Variants in SPAG16 observed in about 807,000 individuals in gnomAD.
The protein encoded by SPAG16 is sperm associated antigen 16.
In SPAG16, 86 loss-of-function variants were observed where a neutral mutation model predicts 80.4. The observed-to-expected ratio is 1.07, with a 90% CI of 0.90 to 1.28. SPAG16 has a LOEUF of 1.28. Among genes scored for constraint, SPAG16 ranks in the 50% most tolerant of loss-of-function variants. The probability of loss-of-function intolerance (pLI) is 0.00; values close to 1 mark genes in which losing one functional copy is unlikely to be tolerated. For missense variants in SPAG16, 870 were observed against 765.3 expected (o/e 1.14, Z -1.61); for synonymous variants, 294 against 265.9 (o/e 1.11, Z -1.03).
At chr2:214,308,354 A>G (rs1421851678) in intron 15 of SPAG16, among the ~76,000 whole-genome samples, 2 of 151,942 alleles carry the variant, frequency 1.3e-5, no homozygotes, top group Non-Finnish European at 2.9e-5. Context: ...TTGCCACTCT[A>G]TGTCTTTTAA....
intron 15 of SPAG16, among the ~76,000 whole-genome samples, chr2:214,320,373 T>G (rs1349998029): frequency 2.0e-5 from 3 of 152,200 alleles, no homozygotes; most frequent in African/African-American, 7.2e-5. Context: ...TACTCTAGCC[T>G]TTCTTCACAT....
chr2:213,295,427 A>C (rs892120473), intron 1 of SPAG16, among the ~76,000 whole-genome samples: 3 of 152,084 alleles, frequency 2.0e-5, no homozygotes, highest in Non-Finnish European at 2.9e-5. Flanking sequence ...TATTTATGAA[A>C]TTTTGAATTA....
chr2:213,388,193 A>G (rs1366209079), intron 9 of SPAG16, among the ~76,000 whole-genome samples: 1 of 152,196 alleles, frequency 6.6e-6, no homozygotes, highest in African/African-American at 2.4e-5. Flanking sequence ...GGGTGGGCAA[A>G]AAGCATCCTG....
intron 11 of SPAG16, among the ~76,000 whole-genome samples, chr2:213,889,564 A>G (rs925116842): frequency 2.0e-5 from 3 of 151,234 alleles, no homozygotes; most frequent in Admixed American, 6.6e-5. Context: ...TCTCTGGCCA[A>G]CCTGCACCCA....
At chr2:213,994,375 G>T (rs1267817105) in intron 12 of SPAG16, among the ~76,000 whole-genome samples, 1 of 152,094 alleles carries the variant, frequency 6.6e-6, no homozygotes, top group Admixed American at 6.6e-5. Context: ...AGAGGCCATT[G>T]AATAAATAAA....
intron 10 of SPAG16, among the ~76,000 whole-genome samples, chr2:213,730,605 G>A (rs1386840024): frequency 6.6e-6 from 1 of 151,954 alleles, no homozygotes; most frequent in African/African-American, 2.4e-5. Context: ...TTCCCCTATG[G>A]GTTCTTTCAA....
Position 214,304,624 on chromosome 2 carries a change from T to C in SPAG16, c.1721-105516T>C, listed in dbSNP as rs184163616. On this transcript the variant is annotated intron_variant, in intron 15 of 15. Coordinates refer to ENST00000331683, the MANE Select transcript of SPAG16 (RefSeq NM_024532.5). Reference sequence around the variant, plus strand: ...CTGAAGGCTGTGAGACCCCTGATTTTCCACTTCACACCTCTATATTTCTGT... The same window carrying C: ...CTGAAGGCTGTGAGACCCCTGATTTCCCACTTCACACCTCTATATTTCTGT... Among the ~76,000 whole-genome samples, 67 of 152,322 alleles carry C rather than the reference T, an allele frequency of 4.4e-4. No individual in the cohort carries two copies. In the East Asian group the frequency reaches 0.013, roughly 29 times the overall value.
At chr2:213,534,544 C>T (rs1395899652) in intron 10 of SPAG16, among the ~76,000 whole-genome samples, 1 of 151,914 alleles carries the variant, frequency 6.6e-6, no homozygotes, top group Non-Finnish European at 1.5e-5. Flanking sequence ...TGGACTACAA[C>T]TCAGGATTAA....
At chr2:214,115,306 A>C (rs576362161) in intron 14 of SPAG16, among the ~76,000 whole-genome samples, 11 of 152,326 alleles carry the variant, frequency 7.2e-5, no homozygotes, top group African/African-American at 2.6e-4. Context: ...CAAACTATTA[A>C]AGTTGTATTT....
chr2:214,061,860 C>G lies in SPAG16; in HGVS notation c.1528-46336C>G, dbSNP rs550545543. Among the ~76,000 whole-genome samples the G allele has an allele frequency of 3.3e-5, 5 of 152,084 alleles. No individual in the cohort carries two copies. In the South Asian group the frequency reaches 1.0e-3, roughly 32 times the overall value. On this transcript the variant is annotated intron_variant, in intron 13 of 15. Transcript: ENST00000331683. ...ATTTAACAAGTTAGAAGGCAAGACT[C>G]AAAAGGATGGAGCTATAGGAGGAAT...
chr2:213,797,027 A>C (rs1483826276), intron 10 of SPAG16, among the ~76,000 whole-genome samples: 2 of 137,620 alleles, frequency 1.5e-5, no homozygotes, highest in African/African-American at 5.0e-5. Context: ...GTACATCTTA[A>C]GTTTTTAACA....
chr2:213,831,355 C>A (rs1230119215), intron 10 of SPAG16, among the ~76,000 whole-genome samples: 2 of 151,662 alleles, frequency 1.3e-5, no homozygotes, highest in Non-Finnish European at 2.9e-5. Flanking sequence ...GACTTTTTAT[C>A]TTTGATTGCA....
At chr2:213,987,818 A>G (rs1480402334) in intron 12 of SPAG16, among the ~76,000 whole-genome samples, 1 of 147,822 alleles carries the variant, frequency 6.8e-6, no homozygotes, top group East Asian at 1.9e-4. Flanking sequence ...TAAAATATAT[A>G]TATACATATT....
chr2:213,588,493 T>C (rs899023161), intron 10 of SPAG16, among the ~76,000 whole-genome samples: 1 of 150,984 alleles, frequency 6.6e-6, no homozygotes, highest in South Asian at 2.1e-4. Context: ...TACAATATAG[T>C]GATATTGTGA....
At chr2:214,399,216 C>A in intron 15 of SPAG16, among the ~76,000 whole-genome samples, 1 of 152,122 alleles carries the variant, frequency 6.6e-6, no homozygotes, top group East Asian at 1.9e-4. Context: ...TTTAGCCATT[C>A]CCAGTTCATA....
At chr2:213,682,970 G>A (rs1044124642) in intron 10 of SPAG16, among the ~76,000 whole-genome samples, 1 of 152,114 alleles carries the variant, frequency 6.6e-6, no homozygotes, top group Non-Finnish European at 1.5e-5. Flanking sequence ...CTTATCTGAT[G>A]GGATTACATA....
At chr2:214,276,300 G>A (rs958593766) in intron 15 of SPAG16, among the ~76,000 whole-genome samples, 15 of 152,042 alleles carry the variant, frequency 9.9e-5, no homozygotes, top group South Asian at 8.3e-4. Flanking sequence ...TTACATTTAG[G>A]GTTAATATTG....
chr2:214,382,249 GACTA>G (rs1700490852), intron 15 of SPAG16, among the ~76,000 whole-genome samples: 1 of 152,166 alleles, frequency 6.6e-6, no homozygotes, highest in Non-Finnish European at 1.5e-5. Flanking sequence ...CTTCATGTTT[GACTA>G]AGAACTAAAT....
At chr2:214,391,863 G>T (rs1261405979) in intron 15 of SPAG16, among the ~76,000 whole-genome samples, 1 of 152,106 alleles carries the variant, frequency 6.6e-6, no homozygotes, top group East Asian at 1.9e-4. Context: ...CCAGGCAACT[G>T]GTTCTATTTG....
Sources: allele counts gnomAD v4.1 joint callset (sites outside exome capture counted in the v4.1 genomes callset), GRCh38; gene constraint gnomAD v4.1.1; transcripts MANE v1.5; gene names NCBI Gene and HGNC (gene_info 2026-07-23, HGNC 2026-07-21).